Variants in PLAUR observed in about 807,000 individuals in gnomAD.
The protein encoded by PLAUR is plasminogen activator, urokinase receptor.
Under a neutral mutation model 33.4 loss-of-function variants are expected in PLAUR, and 22 were observed. That is an observed-to-expected ratio of 0.66 (90% CI 0.47 to 0.94). The LOEUF (loss-of-function observed/expected upper bound fraction) is 0.94. Ranked by LOEUF, PLAUR falls within the 40% of genes least tolerant of loss-of-function variation. The pLI is 0.00. For missense variants in PLAUR, 408 were observed against 434.7 expected, an observed-to-expected ratio of 0.94 and a Z score of 0.55; for synonymous variants, 148 against 167.3, an observed-to-expected ratio of 0.88 and a Z score of 0.89.
chr19:43,648,795 C>G lies in PLAUR; in HGVS notation c.*95G>C. 3 of 1,345,170 alleles carry G rather than the reference C, an allele frequency of 2.2e-6. No homozygotes were observed. The East Asian group carries it at 7.0e-5, about 31-fold the overall frequency. The allele number at this position is 1,345,170 out of a possible 1,614,324, so 83.3% of individuals were successfully genotyped here. On this transcript the variant is annotated 3_prime_UTR_variant, in exon 7 of 7. Transcript: ENST00000340093. ...AGGCCCAGAGAGGTCGGCACACTGG[C>G]CTGAGGTCACACAGCAAGTCTGTAG... is the stretch of plus-strand genomic sequence containing the variant.
chr19:43,669,503 G>T (rs1020498303), intron 1 of PLAUR, among the ~76,000 whole-genome samples: 1 of 152,098 alleles, frequency 6.6e-6, no homozygotes, highest in Non-Finnish European at 1.5e-5. Context: ...AGGCTTCGAA[G>T]AACTCCATTT....
Position 43,652,276 on chromosome 19 carries a change from T to G in PLAUR, c.703A>C (p.Ile235Leu). 1 of 1,614,128 alleles carries G rather than the reference T, an allele frequency of 6.2e-7. No individual in the cohort carries two copies. Among genetic ancestry groups the G allele is most frequent in the Non-Finnish European group, 8.5e-7 (1 of 1,179,998 alleles). ...TGATTCATGGGGCCTCGGCAGTCAA[T>G]GAGGAAAGTCTCTTCAGAGGAGCAT... ...HGCSSEETFLIDCRGPMNQCL... is the reference protein window; with the variant it reads ...HGCSSEETFLLDCRGPMNQCL... Residue 235 changes from isoleucine (I) to leucine (L), a missense_variant, in exon 6 of 7, where the codon ATT becomes CTT. Coordinates refer to ENST00000340093, the MANE Select transcript of PLAUR (RefSeq NM_002659.4).
chr19:43,661,853 T>G (rs1967012493), intron 3 of PLAUR, among the ~76,000 whole-genome samples: 1 of 152,068 alleles, frequency 6.6e-6, no homozygotes, highest in Admixed American at 6.5e-5. Context: ...AATCCACCAC[T>G]AAGGCCTGCT....
At chr19:43,659,659 T>G (rs182533783) in intron 3 of PLAUR, among the ~76,000 whole-genome samples, 2 of 152,318 alleles carry the variant, frequency 1.3e-5, no homozygotes, top group Non-Finnish European at 2.9e-5. Context: ...ACTCCCCATC[T>G]TCTCCCACAA....
At chr19:43,656,937 T>C in intron 3 of PLAUR, 1 of 208,818 alleles carries the variant, frequency 4.8e-6, no homozygotes, top group Non-Finnish European at 9.4e-6. Context: ...GAAACATTTC[T>C]TTCCTTTTTT....
At chr19:43,661,294 G>T (rs2146257929) in intron 3 of PLAUR, 1 of 152,292 alleles carries the variant, frequency 6.6e-6, no homozygotes, top group South Asian at 2.1e-4. Flanking sequence ...CAGCAGATTG[G>T]CAAGTGCGCT....
intron 3 of PLAUR, among the ~76,000 whole-genome samples, chr19:43,664,062 G>A (rs1018574527): frequency 2.6e-5 from 4 of 151,934 alleles, no homozygotes; most frequent in Non-Finnish European, 5.9e-5. Flanking sequence ...AAATATTTTC[G>A]CTATCATCTC....
intron 3 of PLAUR, among the ~76,000 whole-genome samples, chr19:43,662,365 G>A (rs1967038903): frequency 6.6e-6 from 1 of 152,064 alleles, no homozygotes. Flanking sequence ...GGGCATGGTG[G>A]CGGGTGCCTG....
rs745933175 is a variant in PLAUR at position 43,667,730 on chromosome 19, G to A, written c.56-39C>T. 1.1e-5 allele frequency: 17 copies of A among 1,606,988 alleles called. No homozygotes were observed. The African/African-American group carries it at 1.6e-4, about 15-fold the overall frequency. On this transcript the variant is annotated intron_variant, in intron 1 of 6. Transcript: ENST00000340093. ...GGAGAGGAGAGGAGAGGTTAACTAC[G>A]CTTAGCTCCAAGACCCCCGCTCACC...
intron 3 of PLAUR, among the ~76,000 whole-genome samples, chr19:43,660,099 T>A (rs1212906564): frequency 2.0e-5 from 3 of 151,612 alleles, no homozygotes; most frequent in Non-Finnish European, 4.4e-5. Context: ...GGTTTTTTGT[T>A]ACTGTTTTTT....
In PLAUR at chr19:43,648,788, A is replaced by C; in HGVS notation, c.*102T>G. 2.3e-6 allele frequency: 3 copies of C among 1,280,126 alleles called. No homozygotes were observed. The South Asian group carries it at 4.2e-5, about 18-fold the overall frequency. The allele number at this position is 1,280,126 out of a possible 1,614,324, so 79.3% of individuals were successfully genotyped here. A position where few individuals can be genotyped will look rare whatever the true frequency, so the allele number is the denominator to read the frequency against. On this transcript the variant is annotated 3_prime_UTR_variant, in exon 7 of 7. Coordinates refer to ENST00000340093, the MANE Select transcript of PLAUR (RefSeq NM_002659.4). Reference sequence around the variant, plus strand: ...AAAACTGAGGCCCAGAGAGGTCGGCACACTGGCCTGAGGTCACACAGCAAG... The same window carrying C: ...AAAACTGAGGCCCAGAGAGGTCGGCCCACTGGCCTGAGGTCACACAGCAAG...
chr19:43,663,382 G>C (rs906491841), intron 3 of PLAUR, among the ~76,000 whole-genome samples: 1 of 149,566 alleles, frequency 6.7e-6, no homozygotes, highest in Non-Finnish European at 1.5e-5. Context: ...AGTCAGGCAG[G>C]GCACAAGGCT....
intron 1 of PLAUR, among the ~76,000 whole-genome samples, chr19:43,669,207 G>C (rs1443504552): frequency 6.6e-6 from 1 of 152,206 alleles, no homozygotes; most frequent in Non-Finnish European, 1.5e-5. Flanking sequence ...GCCTCAGTGA[G>C]AGGGAAAGGT....
In PLAUR at chr19:43,667,682, C is replaced by A. The variant is rs773440891; in HGVS notation, c.65G>T (p.Gly22Val). 1.2e-6 allele frequency: 2 copies of A among 1,613,804 alleles called. No homozygotes were observed. The highest frequency in any genetic ancestry group is 1.1e-5 in the South Asian group (1 of 91,076). Residue 22 changes from glycine (G) to valine (V), a missense_variant, in exon 2 of 7, where the codon GGC becomes GTC. Physicochemically the swap from Gly to Val is moderately radical, Grantham distance 109 (BLOSUM62 -3). Coordinates refer to ENST00000340093, the MANE Select transcript of PLAUR (RefSeq NM_002659.4). ...LLHTCVPASW[G>V]LRCMQCKTNG... ...GGTCTTACACTGCATGCACCGCAGG[C>A]CCCAAGAGGCTGGGGGAAGGAGGGA... is the stretch of plus-strand genomic sequence containing the variant.
At position 43,656,818 on chromosome 19, in the gene PLAUR, G is replaced by A; in HGVS notation, c.311-178C>T. 5.3e-6 allele frequency: 3 copies of A among 561,598 alleles called. No homozygotes were observed. In the South Asian group the frequency reaches 6.6e-5, roughly 12 times the overall value. 34.8% of individuals were successfully genotyped at this position (561,598 alleles called of 1,614,324 possible). On this transcript the variant is annotated intron_variant, in intron 3 of 6. Coordinates refer to ENST00000340093, the MANE Select transcript of PLAUR (RefSeq NM_002659.4). ...TCCACCCCCTCCTTTCCAGCCCCATGGACCAGTCCAGCTCAGACCTCCTTC... is the reference window on the plus strand; with the variant it reads ...TCCACCCCCTCCTTTCCAGCCCCATAGACCAGTCCAGCTCAGACCTCCTTC...
intron 3 of PLAUR, among the ~76,000 whole-genome samples, chr19:43,657,521 C>A (rs1018367307): frequency 6.6e-6 from 1 of 152,208 alleles, no homozygotes; most frequent in Non-Finnish European, 1.5e-5. Context: ...GAACACCTTT[C>A]CTTTGCTCTC....
chr19:43,650,028 T>A (rs1973929787), intron 6 of PLAUR, among the ~76,000 whole-genome samples: 1 of 151,896 alleles, frequency 6.6e-6, no homozygotes. Context: ...GTTTTTTTTT[T>A]TGAGATGGAG....
At chr19:43,647,120 T>C (rs879561371), downstream of PLAUR, among the ~76,000 whole-genome samples, 3 of 152,168 alleles carry the variant, frequency 2.0e-5, no homozygotes, top group Admixed American at 2.0e-4. Flanking sequence ...CAAGATTTGA[T>C]GGGGAATGTA....
At chr19:43,668,188 C>T (rs1600146957) in intron 1 of PLAUR, 1 of 987,562 alleles carries the variant, frequency 1.0e-6, no homozygotes, top group Non-Finnish European at 1.2e-6. Flanking sequence ...TGGTTCTACC[C>T]GGCTCCAGAG....
Sources: gnomAD v4.1 joint callset for allele counts (sites outside exome capture counted in the v4.1 genomes callset) on GRCh38, gnomAD v4.1.1 for gene constraint, MANE v1.5 for transcripts, NCBI Gene and HGNC (gene_info 2026-07-23, HGNC 2026-07-21) for gene names.